The following SGCZ variants were observed in gnomAD, a reference collection of about 807,000 sequenced individuals.
The protein encoded by SGCZ is sarcoglycan zeta.
In SGCZ, 40 loss-of-function variants were observed where a neutral mutation model predicts 41.3. That is an observed-to-expected ratio of 0.97 (90% CI 0.75 to 1.26). SGCZ has a LOEUF of 1.26. SGCZ is among the 50% of genes most tolerant of loss of function. The pLI, the probability that SGCZ is intolerant of heterozygous loss-of-function variation, is 0.00. For synonymous variants in SGCZ, 206 were observed against 137.5 expected, an observed-to-expected ratio of 1.50 and a Z score of -3.49; for missense variants, 552 against 369.8, an observed-to-expected ratio of 1.49 and a Z score of -4.04.
At chr8:14,147,542 C>A (rs772748733) in intron 5 of SGCZ, among the ~76,000 whole-genome samples, 1 of 152,136 alleles carries the variant, frequency 6.6e-6, no homozygotes, top group Non-Finnish European at 1.5e-5. Context: ...CTGCACCCAA[C>A]ACTGGGACAT....
At chr8:15,199,598 T>C (rs1800833984) in intron 1 of SGCZ, among the ~76,000 whole-genome samples, 1 of 152,168 alleles carries the variant, frequency 6.6e-6, no homozygotes, top group Non-Finnish European at 1.5e-5. Flanking sequence ...AGTAAATTAA[T>C]AGATCATCTT....
At chr8:14,568,346 G>A (rs1336061677) in intron 1 of SGCZ, among the ~76,000 whole-genome samples, 1 of 146,318 alleles carries the variant, frequency 6.8e-6, no homozygotes, top group Non-Finnish European at 1.5e-5. Flanking sequence ...ACATGTATAC[G>A]TATGTAACAA....
At chr8:14,596,833 A>C (rs1275067652) in intron 1 of SGCZ, among the ~76,000 whole-genome samples, 1 of 152,210 alleles carries the variant, frequency 6.6e-6, no homozygotes, top group Non-Finnish European at 1.5e-5. Context: ...AAATTAGAGT[A>C]AAATAAAAAA....
At chr8:14,603,913 G>A (rs947006120) in intron 1 of SGCZ, among the ~76,000 whole-genome samples, 1 of 151,872 alleles carries the variant, frequency 6.6e-6, no homozygotes, top group Non-Finnish European at 1.5e-5. Context: ...AGTTATGCTT[G>A]ACCCGCTGAT....
chr8:14,505,919 A>T (rs939320462), intron 2 of SGCZ, among the ~76,000 whole-genome samples: 2 of 152,182 alleles, frequency 1.3e-5, no homozygotes, highest in South Asian at 4.1e-4. Flanking sequence ...ACGCAAGCTA[A>T]CTGTTCAGGA....
At chr8:14,225,885 C>T (rs77174468) in intron 4 of SGCZ, among the ~76,000 whole-genome samples, 7,077 of 152,028 alleles carry the variant, frequency 0.047, 207 homozygotes, top group African/African-American at 0.08. Context: ...TCTTTGCGAC[C>T]GACAAGCATT....
chr8:14,351,597 TTG>T, intron 2 of SGCZ, among the ~76,000 whole-genome samples: 1 of 151,470 alleles, frequency 6.6e-6, no homozygotes, highest in Non-Finnish European at 1.5e-5. Context: ...ATATAGGAAA[TTG>T]TGACAAAATT....
At chr8:14,679,393 G>C (rs560745075) in intron 1 of SGCZ, among the ~76,000 whole-genome samples, 46 of 151,968 alleles carry the variant, frequency 3.0e-4, no homozygotes, top group Admixed American at 1.6e-3. Context: ...AGTGGTACAA[G>C]ATGTACAGGG....
intron 7 of SGCZ, among the ~76,000 whole-genome samples, chr8:14,099,421 C>T (rs1052441610): frequency 3.3e-5 from 5 of 152,134 alleles, no homozygotes; most frequent in Non-Finnish European, 4.4e-5. Context: ...CGGCCCGGGA[C>T]TCACAAAACA....
At position 14,736,126 on chromosome 8, in the gene SGCZ, T is replaced by G. The variant is rs191568399; in HGVS notation, c.40-181200A>C. On this transcript the variant is annotated intron_variant, in intron 1 of 7. Coordinates refer to ENST00000382080, the MANE Select transcript of SGCZ (RefSeq NM_139167.4). ...ACTTGGTGCTTTTGGTAAATATTTT[T>G]CCAAATCATGCTCCCTGCTTGAACC... Among the ~76,000 whole-genome samples, 126 of 152,254 alleles carry G rather than the reference T, an allele frequency of 8.3e-4. 2 individuals carry two copies. The Middle Eastern group carries it at 0.027, about 33-fold the overall frequency.
chr8:14,930,370 G>A (rs1449289448), intron 1 of SGCZ, among the ~76,000 whole-genome samples: 1 of 152,036 alleles, frequency 6.6e-6, no homozygotes, highest in African/African-American at 2.4e-5. Context: ...AAATGGGAAA[G>A]CTTTTACACT....
At chr8:15,063,993 T>A (rs1805033397) in intron 1 of SGCZ, among the ~76,000 whole-genome samples, 1 of 152,196 alleles carries the variant, frequency 6.6e-6, no homozygotes, top group South Asian at 2.1e-4. Context: ...TTTATTCTGG[T>A]ATTGTATAAT....
At chr8:14,169,491 G>A (rs1804309558) in intron 4 of SGCZ, among the ~76,000 whole-genome samples, 1 of 151,990 alleles carries the variant, frequency 6.6e-6, no homozygotes, top group Non-Finnish European at 1.5e-5. Flanking sequence ...GATCTTTTAG[G>A]AGAATCTGAC....
intron 2 of SGCZ, among the ~76,000 whole-genome samples, chr8:14,324,961 A>C (rs570271600): frequency 6.6e-6 from 1 of 152,324 alleles, no homozygotes; most frequent in South Asian, 2.1e-4. Flanking sequence ...CAACATTTAG[A>C]TAACAGCATC....
At chr8:14,483,900 T>C (rs559902181) in intron 2 of SGCZ, among the ~76,000 whole-genome samples, 1 of 152,334 alleles carries the variant, frequency 6.6e-6, no homozygotes, top group Admixed American at 6.5e-5. Context: ...TACTCCTTTA[T>C]GTATCACCCT....
Position 14,441,002 on chromosome 8 carries a change from G to A in SGCZ, c.234+113730C>T, listed in dbSNP as rs116398466. ...AAAAGGGGGTTTTGTGTGTGATTGCGTTGACTGAGATTGAAGAAGTATGAT... is the reference window on the plus strand; with the variant it reads ...AAAAGGGGGTTTTGTGTGTGATTGCATTGACTGAGATTGAAGAAGTATGAT... On this transcript the variant is annotated intron_variant, in intron 2 of 7. Transcript: ENST00000382080. Among the ~76,000 whole-genome samples, 1,076 of 152,014 alleles carry A rather than the reference G, an allele frequency of 7.1e-3. 13 individuals carry two copies. Among genetic ancestry groups the A allele is most frequent in the African/African-American group, 0.024 (1,013 of 41,482 alleles).
intron 1 of SGCZ, among the ~76,000 whole-genome samples, chr8:14,564,476 C>T (rs913940960): frequency 6.6e-5 from 10 of 152,174 alleles, no homozygotes; most frequent in African/African-American, 2.2e-4. Context: ...TAGCCTCTCT[C>T]TGTCCCAGTT....
intron 1 of SGCZ, among the ~76,000 whole-genome samples, chr8:14,567,144 C>T (rs1006966562): frequency 3.9e-5 from 6 of 152,202 alleles, no homozygotes; most frequent in Non-Finnish European, 7.3e-5. Flanking sequence ...GCTCTGGTGG[C>T]GTCGGAGCCC....
chr8:14,511,107 G>C (rs183227854), intron 2 of SGCZ, among the ~76,000 whole-genome samples: 1 of 152,024 alleles, frequency 6.6e-6, no homozygotes, highest in African/African-American at 2.4e-5. Context: ...GTCACAAATG[G>C]TGCTGTCAAG....
Sources: gnomAD v4.1 joint callset for allele counts (sites outside exome capture counted in the v4.1 genomes callset) on GRCh38, gnomAD v4.1.1 for gene constraint, MANE v1.5 for transcripts, NCBI Gene and HGNC (gene_info 2026-07-23, HGNC 2026-07-21) for gene names.